The following COL4A2 variants were observed in gnomAD, a reference collection of about 807,000 sequenced individuals.
COL4A2 encodes the protein collagen alpha-2(IV) chain.
COL4A2 carries 99 observed loss-of-function variants against 200.2 expected under a neutral mutation model. That is an observed-to-expected ratio of 0.49 (90% CI 0.42 to 0.58). COL4A2 has a LOEUF of 0.58. Ranked by LOEUF, COL4A2 falls within the 20% of genes least tolerant of loss-of-function variation. The pLI, the probability that COL4A2 is intolerant of heterozygous loss-of-function variation, is 0.00. For synonymous variants in COL4A2, 897 were observed against 900.6 expected, an observed-to-expected ratio of 1.00 and a Z score of 0.07; for missense variants, 1,950 against 2,314.1, an observed-to-expected ratio of 0.84 and a Z score of 3.23.
chr13:110,450,936 G>T (rs1881520129), intron 20 of COL4A2, among the ~76,000 whole-genome samples: 1 of 152,196 alleles, frequency 6.6e-6, no homozygotes, highest in South Asian at 2.1e-4. Context: ...CACAGCCAAA[G>T]CTACAACTGA....
At chr13:110,486,576 G>A (rs565049313) in intron 34 of COL4A2, among the ~76,000 whole-genome samples, 5 of 152,202 alleles carry the variant, frequency 3.3e-5, no homozygotes, top group Non-Finnish European at 7.3e-5. Context: ...AGATCAGAAG[G>A]TCTGGGCCCC....
chr13:110,487,384 C>T (rs761043917), intron 34 of COL4A2, among the ~76,000 whole-genome samples: 2 of 152,110 alleles, frequency 1.3e-5, no homozygotes, highest in Non-Finnish European at 2.9e-5. Flanking sequence ...ACCCAGGAGG[C>T]GGAGGTTGCA....
chr13:110,442,098 A>AG (rs1881150115), intron 16 of COL4A2, among the ~76,000 whole-genome samples: 2 of 127,708 alleles, frequency 1.6e-5, no homozygotes, highest in African/African-American at 5.3e-5. Context: ...AAAAAAAAAA[A>AG]AAAAAAAAAA....
At chr13:110,396,021 A>G (rs906285872) in intron 4 of COL4A2, among the ~76,000 whole-genome samples, 6 of 152,232 alleles carry the variant, frequency 3.9e-5, no homozygotes, top group African/African-American at 9.6e-5. Flanking sequence ...CAAAAGAAAG[A>G]AAAGGTTTTA....
chr13:110,442,022 G>A (rs903237201), intron 16 of COL4A2, among the ~76,000 whole-genome samples: 5 of 138,646 alleles, frequency 3.6e-5, no homozygotes, highest in African/African-American at 1.1e-4. Context: ...GGAGGCAGAG[G>A]TTGCAGTGAG....
At chr13:110,349,908 C>T (rs190350075) in intron 3 of COL4A2, among the ~76,000 whole-genome samples, 19 of 152,184 alleles carry the variant, frequency 1.2e-4, no homozygotes, top group African/African-American at 3.6e-4. Flanking sequence ...GTATTACAAG[C>T]GTGAGCCACC....
chr13:110,308,138 C>T lies in COL4A2; in HGVS notation c.99+15C>T. 1 of 1,613,234 alleles carries T rather than the reference C, an allele frequency of 6.2e-7. No individual in the cohort carries two copies. The highest frequency in any genetic ancestry group is 8.5e-7 in the Non-Finnish European group (1 of 1,179,870). On this transcript the variant is annotated intron_variant, in intron 3 of 47. Transcript: ENST00000360467. ...GCGTCTTGGCGGTAAGTCCTGGCTC[C>T]CGCGCTTGGACTTGCGCGCCCGAGA...
intron 4 of COL4A2, among the ~76,000 whole-genome samples, chr13:110,405,592 C>A (rs1879536516): frequency 6.6e-6 from 1 of 152,244 alleles, no homozygotes; most frequent in Non-Finnish European, 1.5e-5. Context: ...AATGGCCCCG[C>A]AGTCAGGGCC....
chr13:110,334,113 A>G (rs1876058543), intron 3 of COL4A2, among the ~76,000 whole-genome samples: 2 of 152,220 alleles, frequency 1.3e-5, no homozygotes, highest in South Asian at 4.1e-4. Flanking sequence ...CCAGGTGCCT[A>G]GACACGGCCT....
rs369736820 is a variant in COL4A2, at chr13:110,482,688, C to T, written c.2902+29C>T. 24 of 1,605,222 alleles carry T rather than the reference C, an allele frequency of 1.5e-5. No individual in the cohort carries two copies. In the African/African-American group the frequency reaches 2.4e-4, roughly 16 times the overall value. ...TGTCCCTCTCTTAACATCCTCCTTA[C>T]CTGGTCATGGTGGCATCCTCCTTAC... On this transcript the variant is annotated intron_variant, in intron 32 of 47. Transcript: ENST00000360467.
At chr13:110,470,285 T>C (rs936382960) in intron 28 of COL4A2, among the ~76,000 whole-genome samples, 1 of 152,154 alleles carries the variant, frequency 6.6e-6, no homozygotes, top group East Asian at 1.9e-4. Flanking sequence ...CCACCCGAGA[T>C]GAAACATCCT....
intron 4 of COL4A2, among the ~76,000 whole-genome samples, chr13:110,421,591 G>A (rs1880253477): frequency 6.6e-6 from 1 of 152,208 alleles, no homozygotes; most frequent in Non-Finnish European, 1.5e-5. Context: ...TTGATTAATG[G>A]GTTTGGGGCT....
chr13:110,313,353 C>T (rs979706983), intron 3 of COL4A2, among the ~76,000 whole-genome samples: 2 of 152,144 alleles, frequency 1.3e-5, no homozygotes, highest in African/African-American at 2.4e-5. Context: ...AAGGAGAAGG[C>T]GGCATCTAAT....
Position 110,465,418 on chromosome 13 carries a change from A to G in COL4A2, c.1790A>G (p.Lys597Arg), listed in dbSNP as rs201676472. 6.6e-5 allele frequency: 107 copies of G among 1,609,908 alleles called. No homozygotes were observed. The East Asian group carries it at 2.3e-3, about 35-fold the overall frequency. ...ATTTTCACACAGGGTGATGGCATCA[A>G]GGGCCCTCCAGGGGACCCAGGCTAT... ...GLPGPPGDGI[K>R]GPPGDPGYPG... The change falls in exon 25 of 48, where the codon AAG becomes AGG. Residue 597 changes from lysine (K) to arginine (R), a missense_variant. This residue lies in a region of COL4A2 where 1,385 missense variants were observed against 1,720.5 expected (regional missense o/e 0.80). Transcript: ENST00000360467.
At chr13:110,409,811 G>C (rs79698999) in intron 4 of COL4A2, among the ~76,000 whole-genome samples, 4,383 of 152,260 alleles carry the variant, frequency 0.029, 214 homozygotes, top group African/African-American at 0.1. Context: ...TGTGTGTTCA[G>C]CATTCGCCCA....
intron 4 of COL4A2, among the ~76,000 whole-genome samples, chr13:110,375,894 C>T (rs1319987075): frequency 2.6e-5 from 4 of 151,910 alleles, no homozygotes; most frequent in Non-Finnish European, 5.9e-5. Context: ...AGGAGTGGTC[C>T]GTACAAGTTT....
chr13:110,442,087 CAAAAAAAAAAAAA>C (rs10530153), intron 16 of COL4A2, among the ~76,000 whole-genome samples: 9 of 47,626 alleles, frequency 1.9e-4, no homozygotes, highest in South Asian at 2.6e-3. Context: ...CTCTCTGTCT[CAAAAAAAAAAAAA>C]AAAAAAAAAA....
intron 3 of COL4A2, among the ~76,000 whole-genome samples, chr13:110,339,094 A>C (rs980263331): frequency 1.3e-5 from 2 of 152,200 alleles, no homozygotes; most frequent in African/African-American, 4.8e-5. Flanking sequence ...CTCTTTAAGA[A>C]ACTATTTTTT....
chr13:110,450,553 G>C (rs1881501945), intron 20 of COL4A2, 99 bp downstream of exon 20: 1 of 1,426,822 alleles, frequency 7.0e-7, no homozygotes, highest in African/African-American at 1.4e-5. Context: ...AATGACTCTG[G>C]GAACGAATCC....
Sources: gnomAD v4.1 joint callset for allele counts (sites outside exome capture counted in the v4.1 genomes callset) on GRCh38, gnomAD v4.1.1 for gene constraint, gnomAD v4.1.1 regional missense constraint, MANE v1.5 for transcripts, NCBI Gene and HGNC (gene_info 2026-07-23, HGNC 2026-07-21) for gene names.